Variants in TOX2 observed in about 807,000 individuals in gnomAD.
TOX2 encodes the protein granulosa cell HMG box 1.
Under a neutral mutation model 47.4 loss-of-function variants are expected in TOX2, and 15 were observed. The ratio of observed to expected loss-of-function variants is 0.32; its 90% confidence interval spans 0.21 to 0.49. The LOEUF (loss-of-function observed/expected upper bound fraction) is 0.49, where lower values mean the gene tolerates loss of function less well. Among genes scored for constraint, TOX2 ranks in the 20% least tolerant of loss-of-function variants. The pLI is 0.99. For missense variants in TOX2, 622 were observed against 673.1 expected, an observed-to-expected ratio of 0.92 and a Z score of 0.84; for synonymous variants, 290 against 296.6, an observed-to-expected ratio of 0.98 and a Z score of 0.23.
chr20:44,031,726 A>C (rs997891368), intron 3 of TOX2, among the ~76,000 whole-genome samples: 1 of 152,100 alleles, frequency 6.6e-6, no homozygotes, highest in Non-Finnish European at 1.5e-5. Flanking sequence ...GTGGGCTCTG[A>C]ACCTTGGCAA....
chr20:44,068,932 G>A lies in TOX2; in HGVS notation c.*246G>A, dbSNP rs1233880957. On this transcript the variant is annotated 3_prime_UTR_variant, in exon 9 of 9. Transcript: ENST00000341197. ...CCGCCCGCTGACCTGCTTGCTCCAG[G>A]GTAACTGTGGACCCTGTCCTCGCCC... 1 of 665,392 alleles carries A rather than the reference G, an allele frequency of 1.5e-6. No homozygotes were observed. The highest frequency in any genetic ancestry group is 3.0e-5 in the East Asian group (1 of 33,418). 41.2% of individuals were successfully genotyped at this position (665,392 alleles called of 1,614,324 possible). A position where few individuals can be genotyped will look rare whatever the true frequency, so the allele number is the denominator to read the frequency against.
intron 1 of TOX2, among the ~76,000 whole-genome samples, chr20:43,932,063 A>G (rs921042827): frequency 1.2e-4 from 19 of 152,228 alleles, no homozygotes; most frequent in African/African-American, 3.6e-4. Flanking sequence ...CAGTTTGGGG[A>G]TGAGTTGGAT....
rs1403964325 is a variant in TOX2, at chr20:44,037,953, TC to T, written c.412-13351del. Among the ~76,000 whole-genome samples, 5 of 152,152 alleles carry T rather than the reference TC, an allele frequency of 3.3e-5. No homozygotes were observed. In the East Asian group the frequency reaches 7.7e-4, roughly 23 times the overall value. ...GGAAGATGTGGGCAAGTTTGGAAGTTCCTAGAGACTTGTTGAATGGTTTTGA... is the reference window on the plus strand; with the variant it reads ...GGAAGATGTGGGCAAGTTTGGAAGTTCTAGAGACTTGTTGAATGGTTTTGA... On this transcript the variant is annotated intron_variant, in intron 3 of 8. Coordinates refer to ENST00000341197, the MANE Select transcript of TOX2 (RefSeq NM_001098797.2).
In TOX2 at chr20:44,006,806, G is replaced by T; in HGVS notation, c.411+14G>T. 8 of 1,609,206 alleles carry T rather than the reference G, an allele frequency of 5.0e-6. No individual in the cohort carries two copies. Among genetic ancestry groups the T allele is most frequent in the South Asian group, 1.1e-5 (1 of 90,722 alleles). ...CAGCTGCCCACGGTGAGTCCCTATC[G>T]CCTGCTGCAGTTCCTGCTGATGACA... is the stretch of plus-strand genomic sequence containing the variant. On this transcript the variant is annotated intron_variant, in intron 3 of 8. Transcript: ENST00000341197.
chr20:44,049,192 C>T (rs1235941455), intron 3 of TOX2, among the ~76,000 whole-genome samples: 1 of 152,102 alleles, frequency 6.6e-6, no homozygotes, highest in South Asian at 2.1e-4. Context: ...AAATTGCAGG[C>T]AATCTGGACA....
chr20:44,064,249 C>T (rs942041907), intron 5 of TOX2, among the ~76,000 whole-genome samples: 2 of 152,176 alleles, frequency 1.3e-5, no homozygotes, highest in African/African-American at 4.8e-5. Context: ...GGCTAAGCTC[C>T]AAGTCATTTG....
intron 1 of TOX2, chr20:43,946,047 C>T (rs372658560): frequency 2.0e-5 from 32 of 1,613,054 alleles, no homozygotes; most frequent in African/African-American, 1.3e-4. Flanking sequence ...AGGTAAGCAG[C>T]GGGTGCCCAC....
chr20:43,938,584 C>T (rs1209634186), intron 1 of TOX2, among the ~76,000 whole-genome samples: 5 of 152,166 alleles, frequency 3.3e-5, no homozygotes, highest in African/African-American at 7.2e-5. Flanking sequence ...AGCCTGTGAG[C>T]GCCTTCAGTC....
intron 2 of TOX2, among the ~76,000 whole-genome samples, chr20:43,993,489 T>A (rs2070408213): frequency 6.6e-6 from 1 of 151,874 alleles, no homozygotes; most frequent in Admixed American, 6.6e-5. Flanking sequence ...GAATTGAACA[T>A]CTCTCCCAGG....
intron 3 of TOX2, among the ~76,000 whole-genome samples, chr20:44,023,517 G>T (rs998333073): frequency 6.6e-6 from 1 of 151,908 alleles, no homozygotes; most frequent in South Asian, 2.1e-4. Flanking sequence ...AAGCATCTTG[G>T]ACTGCATCAG....
chr20:43,931,433 C>T (rs1017882135), intron 1 of TOX2, among the ~76,000 whole-genome samples: 3 of 152,238 alleles, frequency 2.0e-5, no homozygotes, highest in Non-Finnish European at 4.4e-5. Flanking sequence ...CCACGCCTCG[C>T]TAAACATACA....
chr20:44,025,188 A>T (rs746318601), intron 3 of TOX2, among the ~76,000 whole-genome samples: 20 of 152,038 alleles, frequency 1.3e-4, no homozygotes, highest in Non-Finnish European at 2.1e-4. Context: ...TGAGGGTGGG[A>T]TCTCAGGAGA....
At chr20:44,003,363 T>C (rs2070620388) in intron 2 of TOX2, among the ~76,000 whole-genome samples, 1 of 151,960 alleles carries the variant, frequency 6.6e-6, no homozygotes, top group African/African-American at 2.4e-5. Flanking sequence ...TTTTTGTATT[T>C]TTTTTTGTAG....
chr20:43,956,991 G>A (rs2069679070), intron 1 of TOX2, among the ~76,000 whole-genome samples: 1 of 152,164 alleles, frequency 6.6e-6, no homozygotes, highest in Admixed American at 6.5e-5. Context: ...AGTTGGTGCT[G>A]ATATTTTCTT....
chr20:43,983,561 C>A (rs1312054144), intron 2 of TOX2, among the ~76,000 whole-genome samples: 2 of 152,182 alleles, frequency 1.3e-5, no homozygotes, highest in Non-Finnish European at 2.9e-5. Flanking sequence ...GTGTCAGATG[C>A]CCAGAATGGG....
At chr20:43,964,337 C>T (rs2069812994) in intron 1 of TOX2, among the ~76,000 whole-genome samples, 2 of 152,248 alleles carry the variant, frequency 1.3e-5, no homozygotes, top group African/African-American at 4.8e-5. Flanking sequence ...CGGCATCTTC[C>T]TGGCCCTGAT....
chr20:44,032,696 G>C (rs529497519), intron 3 of TOX2, among the ~76,000 whole-genome samples: 1 of 152,146 alleles, frequency 6.6e-6, no homozygotes, highest in Non-Finnish European at 1.5e-5. Flanking sequence ...GCAGAGGTGG[G>C]GAGCACGGGG....
intron 2 of TOX2, among the ~76,000 whole-genome samples, chr20:44,001,755 C>G (rs1177656253): frequency 6.6e-6 from 1 of 152,104 alleles, no homozygotes; most frequent in Admixed American, 6.5e-5. Context: ...TCGGTCAAAA[C>G]ACATGAACAG....
chr20:43,915,033 G>A lies in TOX2; in HGVS notation c.99+43G>A. ...GGGGTCCCCGGCGGGCGGGGCCGGA[G>A]TCACCTGGCAGCTCGGGACTCAGGC... On this transcript the variant is annotated intron_variant, in intron 1 of 8. Coordinates refer to ENST00000341197, the MANE Select transcript of TOX2 (RefSeq NM_001098797.2). The surrounding 1 kb of genome is among the most constrained non-coding windows in gnomAD (Gnocchi z 7.1). The A allele has an allele frequency of 1.7e-6, 2 of 1,180,312 alleles. No homozygotes were observed. The highest frequency in any genetic ancestry group is 5.8e-5 in the South Asian group (2 of 34,696). The allele number at this position is 1,180,312 out of a possible 1,614,324, so 73.1% of individuals were successfully genotyped here.
Sources: allele counts gnomAD v4.1 joint callset (sites outside exome capture counted in the v4.1 genomes callset), GRCh38; gene constraint gnomAD v4.1.1; non-coding constraint Gnocchi (gnomAD v3.1); transcripts MANE v1.5; gene names NCBI Gene and HGNC (gene_info 2026-07-23, HGNC 2026-07-21).